NECTIN1: variants seen among roughly 807,000 people sequenced by gnomAD.
NECTIN1 encodes nectin-1.
NECTIN1 carries 23 observed loss-of-function variants against 48.0 expected under a neutral mutation model. The ratio of observed to expected loss-of-function variants is 0.48; its 90% CI spans 0.34 to 0.68. NECTIN1 has a LOEUF of 0.68. Among genes scored for constraint, NECTIN1 ranks in the 30% least tolerant of loss-of-function variants. NECTIN1 has a pLI of 0.01. For synonymous variants in NECTIN1, 270 were observed against 288.9 expected (o/e 0.93, Z 0.66); for missense variants, 591 against 709.9 (o/e 0.83, Z 1.90).
intron 5 of NECTIN1, among the ~76,000 whole-genome samples, chr11:119,652,362 C>A (rs1322197064): frequency 6.6e-6 from 1 of 152,116 alleles, no homozygotes; most frequent in Non-Finnish European, 1.5e-5. Context: ...TCTCCTCCCC[C>A]TCCTCCTCTG....
At chr11:119,720,616 C>T (rs953609572) in intron 1 of NECTIN1, among the ~76,000 whole-genome samples, 2 of 152,266 alleles carry the variant, frequency 1.3e-5, no homozygotes, top group Admixed American at 6.5e-5. Flanking sequence ...AGAAGGGACA[C>T]GCTTGCCTTG....
chr11:119,710,509 G>A (rs913227123), intron 1 of NECTIN1, among the ~76,000 whole-genome samples: 1 of 152,110 alleles, frequency 6.6e-6, no homozygotes, highest in Non-Finnish European at 1.5e-5. Flanking sequence ...TCACTGCTAC[G>A]GTAGGACTGT....
chr11:119,657,391 G>A (rs1391752910), downstream of NECTIN1, among the ~76,000 whole-genome samples: 1 of 152,042 alleles, frequency 6.6e-6, no homozygotes, highest in African/African-American at 2.4e-5. Context: ...CGAGGTGGGT[G>A]GATCACAAGT....
intron 1 of NECTIN1, among the ~76,000 whole-genome samples, chr11:119,707,726 G>C (rs75963257): frequency 0.051 from 7,693 of 152,214 alleles, 645 homozygotes; most frequent in African/African-American, 0.17. Context: ...ATATATCATA[G>C]TTGTACATAT....
chr11:119,664,618 T>C lies in NECTIN1; in HGVS notation c.*129A>G. 7.0e-7 allele frequency: 1 copy of C among 1,432,718 alleles called. No individual in the cohort carries two copies. Among genetic ancestry groups the C allele is most frequent in the Non-Finnish European group, 9.1e-7 (1 of 1,094,180 alleles). 88.8% of individuals were successfully genotyped at this position (1,432,718 alleles called of 1,614,324 possible). On this transcript the variant is annotated 3_prime_UTR_variant, in exon 6 of 6. Transcript: ENST00000264025. ...TGGGCTCCCCTGGCCCCCCAGGAGTTCGGGGCTGGCTTTGGGCAGCTGGGC... is the reference window on the plus strand; with the variant it reads ...TGGGCTCCCCTGGCCCCCCAGGAGTCCGGGGCTGGCTTTGGGCAGCTGGGC...
At chr11:119,694,470 C>T (rs779000182) in intron 1 of NECTIN1, among the ~76,000 whole-genome samples, 21 of 152,192 alleles carry the variant, frequency 1.4e-4, no homozygotes, top group Non-Finnish European at 2.4e-4. Flanking sequence ...CCAGTTGTGG[C>T]GAGAAGGAGC....
rs1864656666 is a variant in NECTIN1 at position 119,661,191 on chromosome 11, G to A, written c.*3556C>T. 2.0e-6 allele frequency: 2 copies of A among 985,864 alleles called. No individual in the cohort carries two copies. The highest frequency in any genetic ancestry group is 2.4e-6 in the Non-Finnish European group (2 of 829,936). The allele number at this position is 985,864 out of a possible 1,614,324, so 61.1% of individuals were successfully genotyped here. ...CCGAAGCAAGGTAGCGCATCACGCT[G>A]GGAGGGGAGGGTGGCAGCTTCTCCT... is the stretch of plus-strand genomic sequence containing the variant. On this transcript the variant is annotated 3_prime_UTR_variant, in exon 6 of 6. Coordinates refer to ENST00000264025, the MANE Select transcript of NECTIN1 (RefSeq NM_002855.5).
At position 119,665,008 on chromosome 11, in the gene NECTIN1, C is replaced by T; in HGVS notation, c.1293G>A (p.Leu431=). The T allele has an allele frequency of 6.2e-7, 1 of 1,613,796 alleles. No homozygotes were observed. The change falls in exon 6 of 6, where the codon CTG becomes CTA. Residue 431 remains leucine (L), a synonymous_variant. Transcript: ENST00000264025. This position sits in a 1 kb window ranked among gnomAD's most constrained non-coding sequence, Gnocchi z 5.1. ...CCTCCTCCTCATAGCTGCTTCCACC[C>T]AGTGGGCCGGCCTTCTTCTCGTCGT... ...DSDDEKKAGP[L]GGSSYEEEEE...
In NECTIN1 at chr11:119,663,419, C is replaced by T; in HGVS notation, c.*1328G>A. 1 of 985,468 alleles carries T rather than the reference C, an allele frequency of 1.0e-6. No homozygotes were observed. The highest frequency in any genetic ancestry group is 1.2e-6 in the Non-Finnish European group (1 of 829,942). The allele number at this position is 985,468 out of a possible 1,614,324, so 61.0% of individuals were successfully genotyped here. ...ATCTGCACTGAAAGGGAGGGCTTCT[C>T]CTAGGCCCTCCCCTCATCCCAGAAT... On this transcript the variant is annotated 3_prime_UTR_variant, in exon 6 of 6. Coordinates refer to ENST00000264025, the MANE Select transcript of NECTIN1 (RefSeq NM_002855.5).
At chr11:119,695,204 C>CCGGT (rs1865322530) in intron 1 of NECTIN1, among the ~76,000 whole-genome samples, 1 of 152,066 alleles carries the variant, frequency 6.6e-6, no homozygotes, top group Admixed American at 6.6e-5. Flanking sequence ...ACACAAGTCC[C>CCGGT]CGGTCGCTCT....
At chr11:119,659,846 G>A (rs60295158), downstream of NECTIN1, among the ~76,000 whole-genome samples, 962 of 152,322 alleles carry the variant, frequency 6.3e-3, 10 homozygotes, top group African/African-American at 0.021. Flanking sequence ...ATGTAATTAC[G>A]CATTTATTGC....
chr11:119,707,554 T>C (rs975274812), intron 1 of NECTIN1, among the ~76,000 whole-genome samples: 2 of 152,070 alleles, frequency 1.3e-5, no homozygotes, highest in African/African-American at 2.4e-5. Context: ...CAACTGCCCA[T>C]GTAGGCAGTT....
intron 1 of NECTIN1, among the ~76,000 whole-genome samples, chr11:119,714,312 C>A (rs2134337762): frequency 6.6e-6 from 1 of 152,268 alleles, no homozygotes; most frequent in Admixed American, 6.5e-5. Flanking sequence ...CTCACCCTGA[C>A]ACATGCTGTG....
Position 119,664,250 on chromosome 11 carries a change from A to C in NECTIN1, c.*497T>G. 1.0e-6 allele frequency: 1 copy of C among 991,618 alleles called. No individual in the cohort carries two copies. Among genetic ancestry groups the C allele is most frequent in the Non-Finnish European group, 1.2e-6 (1 of 833,540 alleles). The allele number at this position is 991,618 out of a possible 1,614,324, so 61.4% of individuals were successfully genotyped here. ...ACCCAAGGTCCAAACTCCCAGCTGC[A>C]TCAGATTTCACTGGTGGGTGTTGGG... On this transcript the variant is annotated 3_prime_UTR_variant, in exon 6 of 6. Coordinates refer to ENST00000264025, the MANE Select transcript of NECTIN1 (RefSeq NM_002855.5).
At chr11:119,650,020 A>G (rs11217374) in intron 5 of NECTIN1, among the ~76,000 whole-genome samples, 42,381 of 151,532 alleles carry the variant, frequency 0.28, 7,441 homozygotes, top group Non-Finnish European at 0.39. Context: ...GGGTGGGGCC[A>G]TTTTATAAGA....
intron 4 of NECTIN1, chr11:119,676,820 C>A: frequency 2.1e-6 from 1 of 478,218 alleles, no homozygotes. Flanking sequence ...CAAAGGAAAA[C>A]GACAAAACTC....
At chr11:119,655,932 C>T (rs1864566330) in intron 5 of NECTIN1, among the ~76,000 whole-genome samples, 4 of 152,204 alleles carry the variant, frequency 2.6e-5, no homozygotes, top group Admixed American at 2.6e-4. Context: ...AGATCTCACT[C>T]TGTCGCTTAT....
chr11:119,661,528 G>A lies in NECTIN1; in HGVS notation c.*3219C>T. The A allele has an allele frequency of 2.0e-6, 2 of 985,880 alleles. No homozygotes were observed. The highest frequency in any genetic ancestry group is 2.4e-6 in the Non-Finnish European group (2 of 829,980). The allele number at this position is 985,880 out of a possible 1,614,324, so 61.1% of individuals were successfully genotyped here. A position where few individuals can be genotyped will look rare whatever the true frequency, so the allele number is the denominator to read the frequency against. On this transcript the variant is annotated 3_prime_UTR_variant, in exon 6 of 6. Coordinates refer to ENST00000264025, the MANE Select transcript of NECTIN1 (RefSeq NM_002855.5). ...CTCTGTCTGGACTCCTGAGGCCTGG[G>A]AGCACTACCCTCCTCCCAGAAGAGG...
chr11:119,728,674 G>A lies in NECTIN1; in HGVS notation c.-121C>T. The A allele has an allele frequency of 6.2e-6, 2 of 323,286 alleles. No individual in the cohort carries two copies. The allele number at this position is 323,286 out of a possible 1,614,324, so 20.0% of individuals were successfully genotyped here. On this transcript the variant is annotated 5_prime_UTR_variant, in exon 1 of 6. Transcript: ENST00000264025. Reference sequence around the variant, plus strand: ...GCGGGCGCTCGAAGGATCCAGGTCAGCTGCAGCCGTCGGCCGGGGCGGGGT... The same window carrying A: ...GCGGGCGCTCGAAGGATCCAGGTCAACTGCAGCCGTCGGCCGGGGCGGGGT...
Sources: allele counts gnomAD v4.1 joint callset (sites outside exome capture counted in the v4.1 genomes callset), GRCh38; gene constraint gnomAD v4.1.1; non-coding constraint Gnocchi (gnomAD v3.1); transcripts MANE v1.5; gene names NCBI Gene and HGNC (gene_info 2026-07-23, HGNC 2026-07-21).